GRIK3: variants seen among roughly 807,000 people sequenced by gnomAD.
The protein encoded by GRIK3 is glutamate receptor ionotropic, kainate 3.
A neutral mutation model predicts 102.5 loss-of-function variants in GRIK3; 29 were observed. The ratio of observed to expected loss-of-function variants is 0.28; its 90% CI spans 0.21 to 0.39. The LOEUF is 0.39. GRIK3 is among the 10% of genes least tolerant of loss of function. The pLI, the probability that GRIK3 is intolerant of heterozygous loss-of-function variation, is 1.00. For synonymous variants in GRIK3, 511 were observed against 504.9 expected (o/e 1.01, Z -0.16); for missense variants, 908 against 1,252.4 (o/e 0.73, Z 4.15).
At position 36,880,352 on chromosome 1, in the gene GRIK3, T is replaced by C. The variant is rs924204271; in HGVS notation, c.550+282A>G. ...GCAGATGTGTGTGCTGCTGCTAGGG[T>C]GGGTGTTCAGTGCAGATTTGAACAC... is the stretch of plus-strand genomic sequence containing the variant. On this transcript the variant is annotated intron_variant, in intron 3 of 15. Coordinates refer to ENST00000373091, the MANE Select transcript of GRIK3 (RefSeq NM_000831.4). The surrounding 1 kb of genome is among the most constrained non-coding windows in gnomAD (Gnocchi z 5.4). 6.6e-6 allele frequency among the ~76,000 whole-genome samples: 1 copy of C among 151,996 alleles called. No individual in the cohort carries two copies. Among genetic ancestry groups the C allele is most frequent in the Non-Finnish European group, 1.5e-5 (1 of 67,976 alleles).
chr1:36,975,285 T>C (rs1642183152), intron 1 of GRIK3, among the ~76,000 whole-genome samples: 1 of 146,162 alleles, frequency 6.8e-6, no homozygotes, highest in Non-Finnish European at 1.5e-5. Flanking sequence ...TTATCTAAAG[T>C]TGGTTTTTTT....
chr1:36,933,619 A>G (rs1225140754), intron 1 of GRIK3, among the ~76,000 whole-genome samples: 1 of 152,194 alleles, frequency 6.6e-6, no homozygotes, highest in Non-Finnish European at 1.5e-5. Flanking sequence ...CTAGGTCATA[A>G]TCAAAGGTAC....
chr1:36,821,193 A>G (rs980824556), intron 11 of GRIK3, among the ~76,000 whole-genome samples: 1 of 152,256 alleles, frequency 6.6e-6, no homozygotes, highest in East Asian at 1.9e-4. Flanking sequence ...TTTTATTTTC[A>G]TGAAGCGGGA....
At chr1:36,933,392 T>C (rs1485906479) in intron 1 of GRIK3, among the ~76,000 whole-genome samples, 1 of 152,218 alleles carries the variant, frequency 6.6e-6, no homozygotes, top group African/African-American at 2.4e-5. Flanking sequence ...GGGAGGGATG[T>C]TTTCATGCAG....
At chr1:36,970,338 C>T (rs1040232583) in intron 1 of GRIK3, among the ~76,000 whole-genome samples, 1 of 152,188 alleles carries the variant, frequency 6.6e-6, no homozygotes, top group African/African-American at 2.4e-5. Context: ...CCTCATTGCC[C>T]TCAGGAAATT....
chr1:36,981,344 C>T (rs1003436242), intron 1 of GRIK3, among the ~76,000 whole-genome samples: 1 of 152,186 alleles, frequency 6.6e-6, no homozygotes. Context: ...AGTGGGTCAC[C>T]CATCACCATG....
At chr1:36,881,758 C>G (rs919145219) in intron 2 of GRIK3, among the ~76,000 whole-genome samples, 14 of 152,172 alleles carry the variant, frequency 9.2e-5, no homozygotes, top group African/African-American at 3.4e-4. Flanking sequence ...AAGGGCTCCT[C>G]AGTGCAAAAG....
intron 1 of GRIK3, among the ~76,000 whole-genome samples, chr1:36,906,026 A>G (rs1641280686): frequency 6.6e-6 from 1 of 152,208 alleles, no homozygotes; most frequent in South Asian, 2.1e-4. Flanking sequence ...CCTAAGTCCA[A>G]GGGATGGAGC....
intron 1 of GRIK3, among the ~76,000 whole-genome samples, chr1:36,898,717 G>A (rs1641201099): frequency 6.6e-6 from 1 of 152,008 alleles, no homozygotes; most frequent in Non-Finnish European, 1.5e-5. Flanking sequence ...AATTCATATG[G>A]AATTGCAAAG....
At chr1:36,881,617 A>G (rs1366654351) in intron 2 of GRIK3, among the ~76,000 whole-genome samples, 1 of 152,156 alleles carries the variant, frequency 6.6e-6, no homozygotes, top group East Asian at 1.9e-4. Context: ...ATCCTGGTCC[A>G]AGCCGCCATC....
intron 11 of GRIK3, among the ~76,000 whole-genome samples, chr1:36,823,585 C>T (rs1268096633): frequency 6.6e-6 from 1 of 151,678 alleles, no homozygotes; most frequent in Non-Finnish European, 1.5e-5. Flanking sequence ...CTCTGCAACA[C>T]TGGCCCGGCA....
At chr1:37,016,628 A>G (rs1642654991) in intron 1 of GRIK3, among the ~76,000 whole-genome samples, 1 of 151,992 alleles carries the variant, frequency 6.6e-6, no homozygotes. Flanking sequence ...TTCCTTCTTA[A>G]CTTTACTGAA....
chr1:36,902,934 C>T (rs759389291), intron 1 of GRIK3, among the ~76,000 whole-genome samples: 28 of 152,068 alleles, frequency 1.8e-4, no homozygotes, highest in Middle Eastern at 3.4e-3. Flanking sequence ...GGATAAGAGG[C>T]GTCCACCACC....
intron 1 of GRIK3, among the ~76,000 whole-genome samples, chr1:36,954,256 C>T (rs486495): frequency 0.42 from 64,472 of 152,086 alleles, 14,641 homozygotes; most frequent in East Asian, 0.88. Flanking sequence ...GCTCCAGGAT[C>T]TTGCCACTGC....
chr1:36,976,363 T>C (rs1165052478), intron 1 of GRIK3, among the ~76,000 whole-genome samples: 1 of 147,082 alleles, frequency 6.8e-6, no homozygotes, highest in Non-Finnish European at 1.5e-5. Flanking sequence ...TATATGAATG[T>C]GCATTTTTTT....
chr1:37,027,123 T>A (rs1181035371), intron 1 of GRIK3, among the ~76,000 whole-genome samples: 1 of 151,630 alleles, frequency 6.6e-6, no homozygotes, highest in Non-Finnish European at 1.5e-5. Context: ...AAACAAGGCA[T>A]AAAGGTCAAA....
At chr1:36,830,957 A>G (rs1462168732) in intron 10 of GRIK3, among the ~76,000 whole-genome samples, 1 of 152,186 alleles carries the variant, frequency 6.6e-6, no homozygotes, top group African/African-American at 2.4e-5. Context: ...ACTGGAGAGA[A>G]GCATGGAACA....
intron 1 of GRIK3, among the ~76,000 whole-genome samples, chr1:37,022,117 C>T (rs561190227): frequency 1.3e-5 from 2 of 152,344 alleles, no homozygotes; most frequent in South Asian, 4.1e-4. Context: ...CCTGAATCTC[C>T]AGGTTAACTG....
chr1:36,839,165 G>A (rs1489268768), intron 10 of GRIK3, among the ~76,000 whole-genome samples: 2 of 152,020 alleles, frequency 1.3e-5, no homozygotes, highest in Admixed American at 6.6e-5. Flanking sequence ...CACCTTCCAC[G>A]TGATCTTCCT....
Sources: allele counts gnomAD v4.1 joint callset (sites outside exome capture counted in the v4.1 genomes callset), GRCh38; gene constraint gnomAD v4.1.1; non-coding constraint Gnocchi (gnomAD v3.1); transcripts MANE v1.5; gene names NCBI Gene and HGNC (gene_info 2026-07-23, HGNC 2026-07-21).